Variants in TMX2 observed in about 807,000 individuals in gnomAD.
The protein encoded by TMX2 is thioredoxin-related transmembrane protein 2.
In TMX2, 20 loss-of-function variants were observed where a neutral mutation model predicts 33.4. The ratio of observed to expected loss-of-function variants is 0.60; its 90% CI spans 0.42 to 0.87. The LOEUF (loss-of-function observed/expected upper bound fraction) is 0.87, where lower values mean the gene tolerates loss of function less well. TMX2 is among the 40% of genes least tolerant of loss of function. The pLI is 0.00. For synonymous variants in TMX2, 166 were observed against 140.7 expected, an observed-to-expected ratio of 1.18 and a Z score of -1.27; for missense variants, 340 against 370.7, an observed-to-expected ratio of 0.92 and a Z score of 0.68.
chr11:57,728,231 C>T (rs944192024), intron 1 of TMX2, among the ~76,000 whole-genome samples: 3 of 151,976 alleles, frequency 2.0e-5, no homozygotes, highest in African/African-American at 7.3e-5. Context: ...GGCGCCATCT[C>T]GGCTCACTGC....
chr11:57,739,955 CT>C, intron 7 of TMX2, 143 bp from the exon 8 acceptor site: 1 of 1,114,884 alleles, frequency 9.0e-7, no homozygotes, highest in Non-Finnish European at 1.3e-6. Flanking sequence ...TTCTGGGTAC[CT>C]AAAAAAGAGG....
chr11:57,738,335 A>AT lies in TMX2; in HGVS notation c.365-18dup. 1 of 1,572,286 alleles carries AT rather than the reference A, an allele frequency of 6.4e-7. No individual in the cohort carries two copies. The highest frequency in any genetic ancestry group is 8.7e-7 in the Non-Finnish European group (1 of 1,144,032). On this transcript the variant is annotated intron_variant, in intron 3 of 7. Coordinates refer to ENST00000278422, the MANE Select transcript of TMX2 (RefSeq NM_015959.4). ...TAAGGCTTTTTATGTTTCCTTCGAC[A>AT]TCTTCTTTCTGTATTTAGTGTTCCT...
chr11:57,719,012 A>C (rs1947372329), intron 1 of TMX2, among the ~76,000 whole-genome samples: 2 of 140,348 alleles, frequency 1.4e-5, no homozygotes, highest in African/African-American at 2.7e-5. Flanking sequence ...AAAAGCTGAT[A>C]TTCAGGCCAT....
intron 2 of TMX2, 64 bp from the exon 3 acceptor site, chr11:57,737,849 G>A: frequency 6.2e-7 from 1 of 1,614,080 alleles, no homozygotes; most frequent in Non-Finnish European, 8.5e-7. Context: ...CCCATGAAGA[G>A]GGACAAAGAA....
chr11:57,718,464 G>C (rs1483183227), intron 1 of TMX2: 1 of 1,049,050 alleles, frequency 9.5e-7, no homozygotes, highest in Non-Finnish European at 1.5e-6. Context: ...TCTGCAAACA[G>C]CTCGAAGGAG....
At chr11:57,728,336 A>C (rs2075072731) in intron 1 of TMX2, among the ~76,000 whole-genome samples, 1 of 151,850 alleles carries the variant, frequency 6.6e-6, no homozygotes, top group South Asian at 2.1e-4. Flanking sequence ...CTAATTTTTT[A>C]TATTTTTAGT....
At chr11:57,720,862 A>G (rs1016227547) in intron 1 of TMX2, among the ~76,000 whole-genome samples, 1 of 152,212 alleles carries the variant, frequency 6.6e-6, no homozygotes, top group South Asian at 2.1e-4. Context: ...CAGGCCCTTC[A>G]GGGGATCCAA....
rs534432852 is a variant in TMX2, at chr11:57,720,639, C to A, written c.189+7832C>A. Among the ~76,000 whole-genome samples the A allele has an allele frequency of 3.2e-4, 48 of 152,374 alleles. 1 individual carries two copies. In the South Asian group the frequency reaches 9.5e-3, roughly 30 times the overall value. Reference sequence around the variant, plus strand: ...TCTCGAACTTCTGGCCTCAAGCCATCCGCCCGCTTTGGCCTCCCACAGTGC... The same window carrying A: ...TCTCGAACTTCTGGCCTCAAGCCATACGCCCGCTTTGGCCTCCCACAGTGC... On this transcript the variant is annotated intron_variant, in intron 1 of 7. Transcript: ENST00000278422.
intron 1 of TMX2, among the ~76,000 whole-genome samples, chr11:57,719,078 C>T (rs1173094649): frequency 1.4e-5 from 2 of 141,808 alleles, no homozygotes; most frequent in Non-Finnish European, 3.0e-5. Flanking sequence ...CACTGTCACC[C>T]AGGCTGGAGT....
At chr11:57,735,719 T>C (rs191293457) in intron 1 of TMX2, among the ~76,000 whole-genome samples, 20 of 152,332 alleles carry the variant, frequency 1.3e-4, no homozygotes, top group African/African-American at 4.6e-4. Flanking sequence ...AACACGTGCA[T>C]GCTCAGTTGA....
At chr11:57,718,653 C>CTTTT (rs35097323) in intron 1 of TMX2, 28 of 208,930 alleles carry the variant, frequency 1.3e-4, no homozygotes, top group South Asian at 2.0e-4. Context: ...AACCCCCCCT[C>CTTTT]TTTTTTTTTT....
intron 1 of TMX2, among the ~76,000 whole-genome samples, chr11:57,735,793 A>C (rs377263631): frequency 2.6e-5 from 4 of 152,188 alleles, no homozygotes; most frequent in East Asian, 3.8e-4. Context: ...TCTGAGGTGG[A>C]GTTTTCAGCC....
chr11:57,725,855 C>A (rs1348731035), intron 1 of TMX2, among the ~76,000 whole-genome samples: 4 of 152,102 alleles, frequency 2.6e-5, no homozygotes, highest in South Asian at 2.1e-4. Flanking sequence ...GTTACTTCTG[C>A]ATCCACCCCA....
chr11:57,718,362 G>C, intron 1 of TMX2: 1 of 1,506,030 alleles, frequency 6.6e-7, no homozygotes, highest in Admixed American at 1.7e-5. Flanking sequence ...ATAAACCCTG[G>C]AATAATTCTG....
intron 1 of TMX2, among the ~76,000 whole-genome samples, chr11:57,732,442 T>C (rs1948459227): frequency 6.6e-6 from 1 of 152,228 alleles, no homozygotes; most frequent in Non-Finnish European, 1.5e-5. Flanking sequence ...TTTCATTTGA[T>C]ATTTGATGCC....
At chr11:57,729,457 C>CTG (rs373009165) in intron 1 of TMX2, among the ~76,000 whole-genome samples, 6 of 151,610 alleles carry the variant, frequency 4.0e-5, no homozygotes, top group East Asian at 1.9e-4. Context: ...GCTATGGGAA[C>CTG]TGTGTGTGTG....
chr11:57,718,555 G>C, intron 1 of TMX2: 1 of 649,444 alleles, frequency 1.5e-6, no homozygotes, highest in South Asian at 1.7e-5. Flanking sequence ...GGCTCCTGGT[G>C]GTGGCAGCAA....
intron 1 of TMX2, among the ~76,000 whole-genome samples, chr11:57,732,232 T>A (rs1037198494): frequency 6.6e-6 from 1 of 152,218 alleles, no homozygotes; most frequent in African/African-American, 2.4e-5. Context: ...GAGGCTACCT[T>A]TGTGCCTATA....
In TMX2 at chr11:57,740,337, C is replaced by T; in HGVS notation, c.*92C>T. 2 of 1,426,572 alleles carry T rather than the reference C, an allele frequency of 1.4e-6. No homozygotes were observed. The highest frequency in any genetic ancestry group is 1.5e-5 in the South Asian group (1 of 67,470). The allele number at this position is 1,426,572 out of a possible 1,614,324, so 88.4% of individuals were successfully genotyped here. On this transcript the variant is annotated 3_prime_UTR_variant, in exon 8 of 8. Coordinates refer to ENST00000278422, the MANE Select transcript of TMX2 (RefSeq NM_015959.4). ...GGCTGCAGCCTTTTATTTATGTTTT[C>T]CCTTTGGCTGTGACTGGGTGGGGCA...
Sources: gnomAD v4.1 joint callset for allele counts (sites outside exome capture counted in the v4.1 genomes callset) on GRCh38, gnomAD v4.1.1 for gene constraint, MANE v1.5 for transcripts, NCBI Gene and HGNC (gene_info 2026-07-23, HGNC 2026-07-21) for gene names.